The following CCNY variants were observed in gnomAD, a reference collection of about 807,000 sequenced individuals.
CCNY encodes cyclin-Y.
CCNY carries 19 observed loss-of-function variants against 42.8 expected under a neutral mutation model. The observed-to-expected ratio is 0.44, with a 90% CI of 0.31 to 0.65. The LOEUF (loss-of-function observed/expected upper bound fraction) is 0.65. CCNY is among the 30% of genes least tolerant of loss of function. CCNY has a pLI of 0.07. For synonymous variants in CCNY, 165 were observed against 162.7 expected (o/e 1.01, Z -0.11); for missense variants, 370 against 437.3 (o/e 0.85, Z 1.37).
At chr10:35,451,479 T>G (rs1838914840) in intron 1 of CCNY, among the ~76,000 whole-genome samples, 1 of 152,172 alleles carries the variant, frequency 6.6e-6, no homozygotes, top group Non-Finnish European at 1.5e-5. Context: ...GAAGGCTTAT[T>G]TTGATATCTG....
chr10:35,562,725 C>G (rs1251795993), intron 8 of CCNY, among the ~76,000 whole-genome samples: 1 of 152,160 alleles, frequency 6.6e-6, no homozygotes, highest in Non-Finnish European at 1.5e-5. Context: ...CACCCATGGA[C>G]ACTTGGGTTA....
At chr10:35,255,546 C>T (rs1208893458) in intron 3 of CCNY, among the ~76,000 whole-genome samples, 6 of 151,900 alleles carry the variant, frequency 3.9e-5, no homozygotes, top group African/African-American at 1.5e-4. Context: ...GATCCACCTG[C>T]CTCGGTCTCC....
At chr10:35,512,780 C>T (rs530512006) in intron 3 of CCNY, among the ~76,000 whole-genome samples, 1 of 152,004 alleles carries the variant, frequency 6.6e-6, no homozygotes, top group East Asian at 1.9e-4. Flanking sequence ...CTCAAACTCC[C>T]TGTGGGGAGC....
At chr10:35,283,681 G>A (rs1835322299) in intron 3 of CCNY, among the ~76,000 whole-genome samples, 1 of 152,202 alleles carries the variant, frequency 6.6e-6, no homozygotes, top group Non-Finnish European at 1.5e-5. Flanking sequence ...GGGATTACAG[G>A]CGTGAGCCAC....
chr10:35,378,183 A>C (rs746424856), intron 1 of CCNY, among the ~76,000 whole-genome samples: 3 of 152,212 alleles, frequency 2.0e-5, no homozygotes, highest in Non-Finnish European at 4.4e-5. Flanking sequence ...CATTTGGGAA[A>C]GTATTGGTTC....
At chr10:35,260,082 T>C (rs529075877) in intron 3 of CCNY, among the ~76,000 whole-genome samples, 17 of 152,282 alleles carry the variant, frequency 1.1e-4, no homozygotes, top group African/African-American at 4.1e-4. Flanking sequence ...TTTGTCTTTC[T>C]ACTTCCACCT....
intron 1 of CCNY, among the ~76,000 whole-genome samples, chr10:35,469,695 G>A (rs1488139755): frequency 6.6e-6 from 1 of 151,208 alleles, no homozygotes; most frequent in Non-Finnish European, 1.5e-5. Flanking sequence ...GGAGAAGACA[G>A]GGAGATAGGG....
chr10:35,523,932 T>A (rs1441705657), intron 4 of CCNY, among the ~76,000 whole-genome samples: 3 of 152,206 alleles, frequency 2.0e-5, no homozygotes, highest in African/African-American at 7.2e-5. Context: ...TGCTGTATGC[T>A]CCCTCACAGG....
intron 1 of CCNY, among the ~76,000 whole-genome samples, chr10:35,477,178 A>G (rs1839533113): frequency 6.6e-6 from 1 of 152,188 alleles, no homozygotes; most frequent in Non-Finnish European, 1.5e-5. Flanking sequence ...CCAGGACCAG[A>G]TGGATTCACA....
intron 3 of CCNY, among the ~76,000 whole-genome samples, chr10:35,318,909 G>A (rs1405006150): frequency 6.6e-6 from 1 of 152,086 alleles, no homozygotes; most frequent in African/African-American, 2.4e-5. Flanking sequence ...TTACCCAGGT[G>A]ACAGTTTAAC....
At chr10:35,431,866 C>T (rs1838419588) in intron 1 of CCNY, among the ~76,000 whole-genome samples, 1 of 152,028 alleles carries the variant, frequency 6.6e-6, no homozygotes, top group Non-Finnish European at 1.5e-5. Context: ...AGCCTCTAAA[C>T]CACCAGAGAT....
intron 3 of CCNY, among the ~76,000 whole-genome samples, chr10:35,274,839 T>C (rs1835218649): frequency 6.6e-6 from 1 of 152,022 alleles, no homozygotes; most frequent in South Asian, 2.1e-4. Context: ...TAATGCGCTG[T>C]AGTAAAGCTG....
In CCNY at chr10:35,416,160, C is replaced by T. The variant is rs866682383; in HGVS notation, c.155-67244C>T. 7.0e-3 allele frequency among the ~76,000 whole-genome samples: 1,007 copies of T among 144,588 alleles called. 11 individuals carry two copies. The highest frequency in any genetic ancestry group is 0.025 in the African/African-American group (961 of 38,850). The allele number at this position is 144,588 out of a possible 152,430, so 94.9% of individuals were successfully genotyped here. On this transcript the variant is annotated intron_variant, in intron 1 of 9. Transcript: ENST00000374704. ...ACCTGATCTGGAAACTTGTGGCACC[C>T]GTGTGTGTGTGTGTGTGTGTGTGTG...
chr10:35,358,065 T>C (rs1316653009), intron 1 of CCNY, among the ~76,000 whole-genome samples: 5 of 152,318 alleles, frequency 3.3e-5, no homozygotes, highest in Middle Eastern at 3.4e-3. Flanking sequence ...ATTTGCTTTT[T>C]AGAAATCATT....
chr10:35,253,874 GT>G (rs34396120), intron 3 of CCNY, among the ~76,000 whole-genome samples: 575 of 129,282 alleles, frequency 4.4e-3, no homozygotes, highest in Non-Finnish European at 6.0e-3. Context: ...TTGAGCAACT[GT>G]TTTTTTTTTT....
chr10:35,528,043 A>G (rs1840687929), intron 5 of CCNY, among the ~76,000 whole-genome samples: 1 of 152,156 alleles, frequency 6.6e-6, no homozygotes, highest in African/African-American at 2.4e-5. Flanking sequence ...CTTCAGGCGA[A>G]TGTTTCTCTA....
At chr10:35,407,669 G>C (rs113362309) in intron 1 of CCNY, among the ~76,000 whole-genome samples, 2,321 of 152,274 alleles carry the variant, frequency 0.015, 47 homozygotes, top group East Asian at 0.056. Context: ...TCAGGTGAGA[G>C]TTGAAGAGGT....
Position 35,312,916 on chromosome 10 carries a change from T to C in CCNY, c.-9+62290T>C, listed in dbSNP as rs148896030. The stretch of plus-strand genomic sequence containing the variant: ...CAGGCATGAGTCAGTGCTCCCAGCC[T>C]CTTTCCTTTAGCTTAGCTCTTAGGC... On this transcript the variant is annotated intron_variant, in intron 3 of 11. Transcript: ENST00000374706. Among the ~76,000 whole-genome samples, 6 of 152,174 alleles carry C rather than the reference T, an allele frequency of 3.9e-5. No homozygotes were observed. In the East Asian group the frequency reaches 9.7e-4, roughly 25 times the overall value.
chr10:35,337,059 G>T lies in CCNY; in HGVS notation c.6G>T (p.Gly2=). 1 of 1,573,182 alleles carries T rather than the reference G, an allele frequency of 6.4e-7. No individual in the cohort carries two copies. The highest frequency in any genetic ancestry group is 8.6e-7 in the Non-Finnish European group (1 of 1,160,988). The change falls in exon 1 of 10, where the codon GGG becomes GGT. Residue 2 remains glycine (G), a synonymous_variant. Coordinates refer to ENST00000374704, the MANE Select transcript of CCNY (RefSeq NM_145012.6). M[G]NTTSCCVSSS... ...GAGTCGGGGGGCCGCCGAAGATGGGGAACACTACCTCGTGCTGCGTGTCGT... is the reference window on the plus strand; with the variant it reads ...GAGTCGGGGGGCCGCCGAAGATGGGTAACACTACCTCGTGCTGCGTGTCGT...
Sources: allele counts gnomAD v4.1 joint callset (sites outside exome capture counted in the v4.1 genomes callset), GRCh38; gene constraint gnomAD v4.1.1; transcripts MANE v1.5; gene names NCBI Gene and HGNC (gene_info 2026-07-23, HGNC 2026-07-21).